The following DDRGK1 variants were observed in gnomAD, a reference collection of about 807,000 sequenced individuals.
DDRGK1 encodes DDRGK domain-containing protein 1.
A neutral mutation model predicts 45.8 loss-of-function variants in DDRGK1; 38 were observed. The ratio of observed to expected loss-of-function variants is 0.83; its 90% CI spans 0.64 to 1.09. DDRGK1 has a LOEUF of 1.09. DDRGK1 is among the 50% of genes least tolerant of loss of function. DDRGK1 has a pLI of 0.00. For synonymous variants in DDRGK1, 171 were observed against 168.7 expected (o/e 1.01, Z -0.11); for missense variants, 403 against 419.9 (o/e 0.96, Z 0.35).
At chr20:3,198,221 C>A (rs1211317219) in intron 4 of DDRGK1, among the ~76,000 whole-genome samples, 1 of 148,578 alleles carries the variant, frequency 6.7e-6, no homozygotes, top group Non-Finnish European at 1.5e-5. Context: ...TACTGGCCAA[C>A]ATGGTGAAAC....
rs749171875 is a variant in DDRGK1, at chr20:3,203,421, A to G, written c.92-5T>C. The G allele has an allele frequency of 6.5e-7, 1 of 1,547,598 alleles. No individual in the cohort carries two copies. The highest frequency in any genetic ancestry group is 1.2e-5 in the South Asian group (1 of 83,334). On this transcript the variant is annotated splice_polypyrimidine_tract_variant and splice_region_variant and intron_variant, in intron 1 of 8. Transcript: ENST00000354488. ...TGTGCAGTGGCTCTTGGCCGGCTGT[A>G]GGGAAGACAGAAATGACAATGCTGC...
Position 3,203,461 on chromosome 20 carries a change from C to G in DDRGK1, c.92-45G>C, listed in dbSNP as rs901036854. On this transcript the variant is annotated intron_variant, in intron 1 of 8. Coordinates refer to ENST00000354488, the MANE Select transcript of DDRGK1 (RefSeq NM_023935.3). ...GACAATGCTGCCTATAAGCCCAGCC[C>G]GGCCCATGGCAGGAGGAGCGGCAGC... is the stretch of plus-strand genomic sequence containing the variant. The G allele has an allele frequency of 3.4e-6, 5 of 1,463,348 alleles. No individual in the cohort carries two copies. The African/African-American group carries it at 7.2e-5, about 21-fold the overall frequency. The allele number at this position is 1,463,348 out of a possible 1,614,324, so 90.6% of individuals were successfully genotyped here.
At chr20:3,201,163 A>G (rs2067037377) in intron 2 of DDRGK1, among the ~76,000 whole-genome samples, 1 of 151,684 alleles carries the variant, frequency 6.6e-6, no homozygotes. Flanking sequence ...GGGTGCCTGT[A>G]GTCCCAGCTA....
intron 4 of DDRGK1, among the ~76,000 whole-genome samples, chr20:3,197,829 C>T (rs1452437065): frequency 1.3e-5 from 2 of 150,190 alleles, no homozygotes; most frequent in African/African-American, 2.5e-5. Flanking sequence ...GCTTGGGAGG[C>T]TGAAGCAGGA....
intron 4 of DDRGK1, among the ~76,000 whole-genome samples, chr20:3,197,148 G>A (rs1568500307): frequency 1.3e-5 from 2 of 149,520 alleles, no homozygotes; most frequent in African/African-American, 2.5e-5. Flanking sequence ...GCTTGAACCT[G>A]GGAAGCGGAG....
At chr20:3,203,020 A>T (rs1038965599) in intron 2 of DDRGK1, among the ~76,000 whole-genome samples, 193 bp downstream of exon 2, 6 of 152,056 alleles carry the variant, frequency 3.9e-5, no homozygotes, top group Admixed American at 6.6e-5. Context: ...ACTGAGAGCC[A>T]AGATGAAGGT....
intron 2 of DDRGK1, among the ~76,000 whole-genome samples, chr20:3,200,960 A>C (rs544319645): frequency 1.5e-3 from 236 of 152,304 alleles, no homozygotes; most frequent in Non-Finnish European, 2.1e-3. Context: ...AATACAAAAA[A>C]TTAGCTGGGT....
chr20:3,195,493 T>C, intron 4 of DDRGK1, 140 bp from the exon 5 acceptor site: 1 of 1,249,180 alleles, frequency 8.0e-7, no homozygotes, highest in Non-Finnish European at 1.1e-6. Flanking sequence ...GGACCCCCAT[T>C]TCTCCATTCC....
chr20:3,202,246 G>A (rs961667964), intron 2 of DDRGK1, among the ~76,000 whole-genome samples: 7 of 152,160 alleles, frequency 4.6e-5, no homozygotes, highest in African/African-American at 1.2e-4. Flanking sequence ...GAGCCACCAC[G>A]CCCGGCCCAG....
chr20:3,197,320 A>G (rs1359464060), intron 4 of DDRGK1, among the ~76,000 whole-genome samples: 1 of 152,120 alleles, frequency 6.6e-6, no homozygotes, highest in Non-Finnish European at 1.5e-5. Context: ...AATTTATGTA[A>G]GAACTCTAAC....
At chr20:3,198,100 TAAA>T (rs34302663) in intron 4 of DDRGK1, among the ~76,000 whole-genome samples, 2 of 53,028 alleles carry the variant, frequency 3.8e-5, no homozygotes, top group Non-Finnish European at 3.4e-5. Context: ...CCATCTCTCT[TAAA>T]AAAAAAAAAA....
intron 2 of DDRGK1, among the ~76,000 whole-genome samples, chr20:3,201,573 A>G (rs1461488794): frequency 6.6e-6 from 1 of 152,016 alleles, no homozygotes; most frequent in African/African-American, 2.4e-5. Flanking sequence ...GGGGTCACAG[A>G]TAGCGCTGCC....
At chr20:3,194,694 G>T in intron 6 of DDRGK1, 136 bp downstream of exon 6, 1 of 1,153,428 alleles carries the variant, frequency 8.7e-7, no homozygotes, top group East Asian at 2.4e-5. Flanking sequence ...AGGACCCTGC[G>T]GCTCTGCCCC....
rs1243597539 is a variant in DDRGK1, at chr20:3,204,408, G to C, written c.91+129C>G. 4.4e-6 allele frequency: 4 copies of C among 914,572 alleles called. No homozygotes were observed. In the East Asian group the frequency reaches 7.9e-5, roughly 18 times the overall value. The allele number at this position is 914,572 out of a possible 1,614,324, so 56.7% of individuals were successfully genotyped here. ...GGAAGCCCCACCCGGCACACGACTA[G>C]CGCACGGACGCGCATGCGTCCCGCC... On this transcript the variant is annotated intron_variant, in intron 1 of 8. Coordinates refer to ENST00000354488, the MANE Select transcript of DDRGK1 (RefSeq NM_023935.3).
intron 6 of DDRGK1, among the ~76,000 whole-genome samples, chr20:3,192,775 G>T (rs993897116): frequency 3.3e-5 from 5 of 152,190 alleles, no homozygotes; most frequent in Non-Finnish European, 7.3e-5. Flanking sequence ...GCATTTCTGT[G>T]AATCCTCCAC....
In DDRGK1 at chr20:3,191,189, C is replaced by G. The variant is rs1362827873; in HGVS notation, c.778+1G>C. The G allele has an allele frequency of 1.2e-6, 2 of 1,614,206 alleles. No individual in the cohort carries two copies. The highest frequency in any genetic ancestry group is 8.5e-7 in the Non-Finnish European group (1 of 1,180,030). On this transcript the variant is annotated splice_donor_variant, in intron 8 of 8. Transcript: ENST00000354488. LOFTEE classifies it high-confidence loss of function. The stretch of plus-strand genomic sequence containing the variant: ...GCAGTGATTGGCTCTCATCATCTCA[C>G]CTGTTATAGTCCCCTCAGCCAGCAG...
intron 2 of DDRGK1, among the ~76,000 whole-genome samples, chr20:3,200,916 C>T (rs1225294640): frequency 1.3e-5 from 2 of 152,182 alleles, no homozygotes; most frequent in Admixed American, 1.3e-4. Context: ...CGAGATCATC[C>T]TGGCTAACAT....
chr20:3,190,513 A>T lies in DDRGK1; in HGVS notation c.*140T>A. 1 of 1,115,414 alleles carries T rather than the reference A, an allele frequency of 9.0e-7. No individual in the cohort carries two copies. Among genetic ancestry groups the T allele is most frequent in the Non-Finnish European group, 1.3e-6 (1 of 782,624 alleles). 69.1% of individuals were successfully genotyped at this position (1,115,414 alleles called of 1,614,324 possible). A position where few individuals can be genotyped will look rare whatever the true frequency, so the allele number is the denominator to read the frequency against. ...CAGGCCTTCTGCCACACCAAGCCAC[A>T]CCAAGCTCAGCAGTACTCACAGGCC... On this transcript the variant is annotated 3_prime_UTR_variant, in exon 9 of 9. Transcript: ENST00000354488.
Position 3,204,643 on chromosome 20 carries a change from G to T in DDRGK1, c.-16C>A, listed in dbSNP as rs1276913267. 4 of 1,569,088 alleles carry T rather than the reference G, an allele frequency of 2.5e-6. No individual in the cohort carries two copies. Among genetic ancestry groups the T allele is most frequent in the African/African-American group, 1.3e-5 (1 of 74,294 alleles). On this transcript the variant is annotated 5_prime_UTR_variant, in exon 1 of 9. Transcript: ENST00000354488. Reference sequence around the variant, plus strand: ...GCGCCACCATGACGAGGGCCTCAGTGCAGAACCACTGCGTCCACCCTGAGG... The same window carrying T: ...GCGCCACCATGACGAGGGCCTCAGTTCAGAACCACTGCGTCCACCCTGAGG...
Sources: allele counts gnomAD v4.1 joint callset (sites outside exome capture counted in the v4.1 genomes callset), GRCh38; gene constraint gnomAD v4.1.1; transcripts MANE v1.5; gene names NCBI Gene and HGNC (gene_info 2026-07-23, HGNC 2026-07-21).